CA1: variants seen among roughly 807,000 people sequenced by gnomAD.
CA1 encodes the protein carbonate dehydratase I.
CA1 carries 27 observed loss-of-function variants against 28.8 expected under a neutral mutation model. The ratio of observed to expected loss-of-function variants is 0.94; its 90% CI spans 0.69 to 1.29. CA1 has a LOEUF of 1.29. Ranked by LOEUF, CA1 falls within the 50% of genes most tolerant of loss-of-function variation. The probability of loss-of-function intolerance (pLI) is 0.00; values close to 1 mark genes in which losing one functional copy is unlikely to be tolerated. For missense variants in CA1, 335 were observed against 310.5 expected, an observed-to-expected ratio of 1.08 and a Z score of -0.59; for synonymous variants, 121 against 108.8, an observed-to-expected ratio of 1.11 and a Z score of -0.70.
At chr8:85,339,517 A>G (rs1808826048) in intron 2 of CA1, among the ~76,000 whole-genome samples, 1 of 152,188 alleles carries the variant, frequency 6.6e-6, no homozygotes, top group African/African-American at 2.4e-5. Flanking sequence ...GAATATTGAA[A>G]TTAATCTGTT....
At chr8:85,331,373 T>C (rs1032626749) in intron 6 of CA1, among the ~76,000 whole-genome samples, 9 of 152,130 alleles carry the variant, frequency 5.9e-5, no homozygotes, top group Non-Finnish European at 1.3e-4. Flanking sequence ...GACTTTTTTG[T>C]TGTTCTTCCA....
chr8:85,350,206 G>T lies in CA1; in HGVS notation c.-24-8547C>A, dbSNP rs113840835. Among the ~76,000 whole-genome samples, 474 of 152,208 alleles carry T rather than the reference G, an allele frequency of 3.1e-3. 2 individuals carry two copies. The highest frequency in any genetic ancestry group is 0.011 in the African/African-American group (463 of 41,518). ...CTCTAAGTAAGTGAAGAATTTTCAG[G>T]CCTCTTAAAGATGTTTGATATCACG... On this transcript the variant is annotated intron_variant, in intron 1 of 7. Coordinates refer to ENST00000523022, the MANE Select transcript of CA1 (RefSeq NM_001128831.4).
rs1170354829 is a variant in CA1, at chr8:85,341,626, G to GACTTGCCATTATCTTCTACTGA, written c.-13_9dup (p.Pro4SerfsTer13). On this transcript the variant is annotated frameshift_variant, in exon 2 of 8. Transcript: ENST00000523022. LOFTEE classifies it high-confidence loss of function. ...TTTTTGTCATCATATCCCCAGTCTGGACTTGCCATTATCTTCTACTGAGTT... is the reference window on the plus strand; with the variant it reads ...TTTTTGTCATCATATCCCCAGTCTGGACTTGCCATTATCTTCTACTGAACTTGCCATTATCTTCTACTGAGTT... 6.3e-7 allele frequency: 1 copy of GACTTGCCATTATCTTCTACTGA among 1,596,312 alleles called. No individual in the cohort carries two copies. Among genetic ancestry groups the GACTTGCCATTATCTTCTACTGA allele is most frequent in the Admixed American group, 1.7e-5 (1 of 59,972 alleles).
chr8:85,356,979 C>A (rs1233272376), intron 1 of CA1, among the ~76,000 whole-genome samples: 2 of 152,204 alleles, frequency 1.3e-5, no homozygotes, highest in Non-Finnish European at 2.9e-5. Context: ...CAGAATTTCT[C>A]AGATTTTTGG....
At chr8:85,337,229 T>A (rs1183135749) in intron 3 of CA1, 166 bp from the exon 4 acceptor site, 2 of 654,400 alleles carry the variant, frequency 3.1e-6, no homozygotes, top group Non-Finnish European at 5.6e-6. Context: ...ATGACAGTCA[T>A]ATGTATGGTG....
intron 5 of CA1, among the ~76,000 whole-genome samples, 180 bp from the exon 6 acceptor site, chr8:85,332,732 G>GT (rs1808462179): frequency 4.6e-5 from 7 of 151,944 alleles, no homozygotes; most frequent in Non-Finnish European, 1.0e-4. Flanking sequence ...TCTATAAATT[G>GT]TTTATAATAT....
At chr8:85,365,579 G>C (rs950852313) in intron 1 of CA1, among the ~76,000 whole-genome samples, 1 of 152,142 alleles carries the variant, frequency 6.6e-6, no homozygotes, top group African/African-American at 2.4e-5. Context: ...GGAAGAACTG[G>C]TAAATCATTT....
At chr8:85,349,003 G>A (rs1809305115) in intron 1 of CA1, among the ~76,000 whole-genome samples, 2 of 152,090 alleles carry the variant, frequency 1.3e-5, no homozygotes, top group Admixed American at 1.3e-4. Context: ...TTGAAATCAA[G>A]GGACATAATC....
At chr8:85,345,612 A>G (rs773629620) in intron 1 of CA1, among the ~76,000 whole-genome samples, 2 of 152,078 alleles carry the variant, frequency 1.3e-5, no homozygotes, top group Non-Finnish European at 1.5e-5. Context: ...AATTTAAACT[A>G]TTGTATATTT....
intron 1 of CA1, among the ~76,000 whole-genome samples, chr8:85,365,072 C>T (rs1809952556): frequency 6.6e-6 from 1 of 152,144 alleles, no homozygotes; most frequent in African/African-American, 2.4e-5. Flanking sequence ...GAGGAGGCCT[C>T]AGGCCCTGGT....
chr8:85,358,311 C>T (rs1371168626), intron 1 of CA1, among the ~76,000 whole-genome samples: 1 of 152,132 alleles, frequency 6.6e-6, no homozygotes, highest in Non-Finnish European at 1.5e-5. Context: ...TTCTTGACCT[C>T]GCTAAACTTC....
At position 85,328,596 on chromosome 8, in the gene CA1, T is replaced by G. The variant is rs768264198; in HGVS notation, c.750A>C (p.Gln250His). 6.2e-7 allele frequency: 1 copy of G among 1,611,568 alleles called. No individual in the cohort carries two copies. ...VPMQHNNRPT[Q>H]PLKGRTVRAS... is the part of the protein sequence containing the mutation. Reference sequence around the variant, plus strand: ...CTCTCACTGTTCTGCCCTTCAGAGGTTGGGTTGGGCGGTTGTTGTGCTGCA... The same window carrying G: ...CTCTCACTGTTCTGCCCTTCAGAGGGTGGGTTGGGCGGTTGTTGTGCTGCA... The change falls in exon 8 of 8, where the codon CAA becomes CAC. Residue 250 changes from glutamine to histidine, a missense_variant. Gln to His is a conservative substitution (Grantham distance 24). Coordinates refer to ENST00000523022, the MANE Select transcript of CA1 (RefSeq NM_001128831.4).
intron 1 of CA1, among the ~76,000 whole-genome samples, chr8:85,374,815 C>T (rs1302570482): frequency 6.6e-6 from 1 of 152,136 alleles, no homozygotes; most frequent in Non-Finnish European, 1.5e-5. Flanking sequence ...GGATGCTACC[C>T]TGAATGGCTA....
At chr8:85,351,801 G>T (rs920280659) in intron 1 of CA1, 1 of 152,196 alleles carries the variant, frequency 6.6e-6, no homozygotes, top group Admixed American at 6.5e-5. Context: ...GCAAGCACAG[G>T]ATTTATTCTT....
In CA1 at chr8:85,333,608, G is replaced by T; in HGVS notation, c.367C>A (p.His123Asn). Residue 123 changes from histidine (H) to asparagine (N), a missense_variant, in exon 5 of 8, where the codon CAC becomes AAC. Transcript: ENST00000523022. ...VKYSAELHVA[H>N]WNSAKYSSLA... ...CTGGAGTACTTTGCAGAATTCCAGT[G>T]AGCTACGTGAAGCTAAAAATGATAC... 6.2e-7 allele frequency: 1 copy of T among 1,607,144 alleles called. No homozygotes were observed. Among genetic ancestry groups the T allele is most frequent in the South Asian group, 1.1e-5 (1 of 90,906 alleles).
At chr8:85,343,879 T>C (rs1287385870) in intron 1 of CA1, among the ~76,000 whole-genome samples, 1 of 151,588 alleles carries the variant, frequency 6.6e-6, no homozygotes, top group Non-Finnish European at 1.5e-5. Context: ...CCCTTCCCAT[T>C]TACCTTTATC....
intron 1 of CA1, among the ~76,000 whole-genome samples, chr8:85,344,281 ATTATATACAGTATATAATATAAT>A (rs1809079059): frequency 1.6e-5 from 1 of 63,686 alleles, no homozygotes; most frequent in Non-Finnish European, 3.6e-5. Flanking sequence ...ATAATTATAT[ATTATATACAGTATATAATATAAT>A]TATATATTAT....
At chr8:85,375,079 G>A (rs1810361274) in intron 1 of CA1, among the ~76,000 whole-genome samples, 1 of 152,136 alleles carries the variant, frequency 6.6e-6, no homozygotes, top group South Asian at 2.1e-4. Context: ...CACATTTCTT[G>A]TGCCCTTCTG....
intron 1 of CA1, among the ~76,000 whole-genome samples, chr8:85,359,753 G>C (rs1247266913): frequency 6.6e-6 from 1 of 152,230 alleles, no homozygotes; most frequent in African/African-American, 2.4e-5. Flanking sequence ...TAACTTGGTA[G>C]GTATTATAAC....
Sources: gnomAD v4.1 joint callset for allele counts (sites outside exome capture counted in the v4.1 genomes callset) on GRCh38, gnomAD v4.1.1 for gene constraint, MANE v1.5 for transcripts, NCBI Gene and HGNC (gene_info 2026-07-23, HGNC 2026-07-21) for gene names.